Variants in RALY observed in about 807,000 individuals in gnomAD.
RALY encodes the protein RALY heterogeneous nuclear ribonucleoprotein.
RALY carries 15 observed loss-of-function variants against 30.7 expected under a neutral mutation model. That is an observed-to-expected ratio of 0.49 (90% confidence interval 0.33 to 0.75). The LOEUF is 0.75. Ranked by LOEUF, RALY falls within the 30% of genes least tolerant of loss-of-function variation. RALY has a pLI of 0.02. For synonymous variants in RALY, 177 were observed against 170.8 expected, an observed-to-expected ratio of 1.04 and a Z score of -0.28; for missense variants, 339 against 414.3, an observed-to-expected ratio of 0.82 and a Z score of 1.58.
chr20:34,084,858 T>G lies in RALY; in HGVS notation c.*4953T>G, dbSNP rs575599488. ...ATTCAAAGCCCAGCACCATGAGAGA[T>G]AATAAAACGTTGTTTGAAGATGCTA... is the stretch of plus-strand genomic sequence containing the variant. On this transcript the variant is annotated 3_prime_UTR_variant, in exon 10 of 10. Transcript: ENST00000246194. 14 of 152,398 alleles carry G rather than the reference T, an allele frequency of 9.2e-5. No individual in the cohort carries two copies. Among genetic ancestry groups the G allele is most frequent in the South Asian group, 4.1e-4 (2 of 4,830 alleles). 9.4% of individuals were successfully genotyped at this position (152,398 alleles called of 1,614,324 possible).
Position 34,077,229 on chromosome 20 carries a change from A to C in RALY, c.860A>C (p.His287Pro). The change falls in exon 8 of 10, where the codon CAC (histidine) becomes CCC (proline). Residue 287 changes from histidine (H) to proline (P), a missense_variant. Physicochemically the swap from His to Pro is moderately conservative, Grantham distance 77. Coordinates refer to ENST00000246194, the MANE Select transcript of RALY (RefSeq NM_016732.3). ...GGCGATGAGGAAGGGCTCCTGACAC[A>C]CAGCGAGGAAGAGCTGGTGAGGGCC... ...DDGDEEGLLT[H>P]SEEELEHSQD... 6.2e-7 allele frequency: 1 copy of C among 1,613,722 alleles called. No individual in the cohort carries two copies.
intron 1 of RALY, among the ~76,000 whole-genome samples, chr20:34,006,726 A>G (rs1385972854): frequency 6.6e-6 from 1 of 152,220 alleles, no homozygotes; most frequent in Non-Finnish European, 1.5e-5. Context: ...AACATGCTGT[A>G]TAGGTTTGTA....
rs1367455069 is a variant in RALY at position 34,083,488 on chromosome 20, A to G, written c.*3583A>G. 6.6e-6 allele frequency: 1 copy of G among 152,264 alleles called. No individual in the cohort carries two copies. The highest frequency in any genetic ancestry group is 2.4e-5 in the African/African-American group (1 of 41,474). The allele number at this position is 152,264 out of a possible 1,614,324, so 9.4% of individuals were successfully genotyped here. On this transcript the variant is annotated 3_prime_UTR_variant, in exon 10 of 10. Coordinates refer to ENST00000246194, the MANE Select transcript of RALY (RefSeq NM_016732.3). ...TTTGGCCAAAGTAAGTCACATGGCT[A>G]AGCCCAAATTCTTCTTAACAGGAGG...
intron 2 of RALY, among the ~76,000 whole-genome samples, chr20:34,057,576 A>G (rs1286669706): frequency 6.6e-6 from 1 of 150,680 alleles, no homozygotes; most frequent in Admixed American, 6.6e-5. Flanking sequence ...CTGAGGCAGG[A>G]GAATGGCATG....
intron 3 of RALY, 102 bp downstream of exon 3, chr20:34,072,432 C>T: frequency 7.3e-7 from 1 of 1,372,254 alleles, no homozygotes; most frequent in Non-Finnish European, 9.7e-7. Flanking sequence ...GCTACCACTG[C>T]TCTGAGATTT....
At chr20:34,022,358 A>T (rs1391510665) in intron 1 of RALY, among the ~76,000 whole-genome samples, 13 of 151,996 alleles carry the variant, frequency 8.6e-5, no homozygotes, top group Admixed American at 8.5e-4. Flanking sequence ...GAAGTTGGGG[A>T]TGGGTAGGCA....
chr20:34,065,629 C>T (rs1214867723), intron 2 of RALY, among the ~76,000 whole-genome samples: 1 of 152,216 alleles, frequency 6.6e-6, no homozygotes, highest in Non-Finnish European at 1.5e-5. Context: ...CCCTGGCCGC[C>T]TGGTAAAAGC....
chr20:33,996,641 A>T (rs1217667794), intron 1 of RALY, among the ~76,000 whole-genome samples: 1 of 152,088 alleles, frequency 6.6e-6, no homozygotes, highest in Non-Finnish European at 1.5e-5. Context: ...ATTGTGGTAA[A>T]ATATATATAA....
Position 34,084,731 on chromosome 20 carries a change from C to A in RALY, c.*4826C>A, listed in dbSNP as rs1193624466. 2 of 152,326 alleles carry A rather than the reference C, an allele frequency of 1.3e-5. No homozygotes were observed. Among genetic ancestry groups the A allele is most frequent in the African/African-American group, 4.8e-5 (2 of 41,440 alleles). The allele number at this position is 152,326 out of a possible 1,614,324, so 9.4% of individuals were successfully genotyped here. On this transcript the variant is annotated 3_prime_UTR_variant, in exon 10 of 10. Transcript: ENST00000246194. Reference sequence around the variant, plus strand: ...AGAGAGGCCACGTGTACATGTTCAGCTGACAGCAGTATCAAATGTCAGACA... The same window carrying A: ...AGAGAGGCCACGTGTACATGTTCAGATGACAGCAGTATCAAATGTCAGACA...
chr20:34,030,059 A>G (rs896014013), intron 1 of RALY: 4 of 152,398 alleles, frequency 2.6e-5, no homozygotes, highest in Admixed American at 6.5e-5. Flanking sequence ...AAAAGCCTGG[A>G]CTGCAAGTAT....
chr20:33,997,516 T>C (rs1186580587), intron 1 of RALY, among the ~76,000 whole-genome samples: 6 of 152,150 alleles, frequency 3.9e-5, no homozygotes, highest in African/African-American at 1.4e-4. Context: ...GCTGCAGTTA[T>C]CAGGAATAAC....
intron 1 of RALY, among the ~76,000 whole-genome samples, chr20:34,021,393 G>A (rs999255954): frequency 3.3e-5 from 5 of 152,178 alleles, no homozygotes; most frequent in South Asian, 2.1e-4. Context: ...GGGGCCGCCC[G>A]CATCTGGTGA....
At chr20:34,021,317 A>T (rs777364079) in intron 1 of RALY, among the ~76,000 whole-genome samples, 4 of 152,164 alleles carry the variant, frequency 2.6e-5, no homozygotes, top group Non-Finnish European at 4.4e-5. Flanking sequence ...CCATAGACTG[A>T]GTCATTTACA....
chr20:34,073,750 T>TGAGG (rs2033796651), intron 4 of RALY, 69 bp from the exon 5 acceptor site: 1 of 1,567,262 alleles, frequency 6.4e-7, no homozygotes, highest in Non-Finnish European at 8.8e-7. Context: ...TGTCTGGAGA[T>TGAGG]GAGGGCCTGT....
chr20:34,053,484 A>G (rs542377610), intron 2 of RALY, among the ~76,000 whole-genome samples: 29 of 138,858 alleles, frequency 2.1e-4, no homozygotes, highest in African/African-American at 7.9e-4. Context: ...TGCAGGTCCA[A>G]CCTTCTGGGC....
rs2034041968 is a variant in RALY, at chr20:34,082,267, A to AT, written c.*2363dup. 1 of 152,224 alleles carries AT rather than the reference A, an allele frequency of 6.6e-6. No individual in the cohort carries two copies. Among genetic ancestry groups the AT allele is most frequent in the Admixed American group, 6.5e-5 (1 of 15,288 alleles). The allele number at this position is 152,224 out of a possible 1,614,324, so 9.4% of individuals were successfully genotyped here. On this transcript the variant is annotated 3_prime_UTR_variant, in exon 10 of 10. Transcript: ENST00000246194. ...ACTGCCCTTAGCTCTTGGTGTCCCCATCTGTGAAACATGGGGGACAGCTGC... is the reference window on the plus strand; with the variant it reads ...ACTGCCCTTAGCTCTTGGTGTCCCCATTCTGTGAAACATGGGGGACAGCTGC...
In RALY at chr20:34,075,798, G is replaced by T. The variant is rs559578411; in HGVS notation, c.378-76G>T. On this transcript the variant is annotated intron_variant, in intron 5 of 9. Transcript: ENST00000246194. ...TCCCAGCCCCTCACCAGCCACACAC[G>T]TTTGTAGCCGGAGCTGCAATACCGC... 4 of 1,480,004 alleles carry T rather than the reference G, an allele frequency of 2.7e-6. No individual in the cohort carries two copies. The African/African-American group carries it at 5.6e-5, about 21-fold the overall frequency. The allele number at this position is 1,480,004 out of a possible 1,614,324, so 91.7% of individuals were successfully genotyped here. A position where few individuals can be genotyped will look rare whatever the true frequency, so the allele number is the denominator to read the frequency against.
At chr20:34,047,766 T>A (rs1161164489) in intron 2 of RALY, among the ~76,000 whole-genome samples, 1 of 152,128 alleles carries the variant, frequency 6.6e-6, no homozygotes, top group Non-Finnish European at 1.5e-5. Flanking sequence ...AACAGGTAAA[T>A]AGGTGCCACA....
chr20:34,031,130 C>T (rs1252682009), intron 1 of RALY, among the ~76,000 whole-genome samples: 2 of 151,326 alleles, frequency 1.3e-5, no homozygotes, highest in Non-Finnish European at 2.9e-5. Context: ...CTGGAACCTC[C>T]GCCTCCCAGG....
Sources: gnomAD v4.1 joint callset for allele counts (sites outside exome capture counted in the v4.1 genomes callset) on GRCh38, gnomAD v4.1.1 for gene constraint, MANE v1.5 for transcripts, NCBI Gene and HGNC (gene_info 2026-07-23, HGNC 2026-07-21) for gene names.